WDR35: variants seen among roughly 807,000 people sequenced by gnomAD.
The protein encoded by WDR35 is WD repeat-containing protein 35.
WDR35 carries 118 observed loss-of-function variants against 158.3 expected under a neutral mutation model. That is an observed-to-expected ratio of 0.75 (90% CI 0.64 to 0.87). The LOEUF (loss-of-function observed/expected upper bound fraction) is 0.87, where lower values mean the gene tolerates loss of function less well. Among genes scored for constraint, WDR35 ranks in the 40% least tolerant of loss-of-function variants. The probability of loss-of-function intolerance (pLI) is 0.00; values close to 1 mark genes in which losing one functional copy is unlikely to be tolerated. For synonymous variants in WDR35, 448 were observed against 476.1 expected, an observed-to-expected ratio of 0.94 and a Z score of 0.77; for missense variants, 1,263 against 1,405.8, an observed-to-expected ratio of 0.90 and a Z score of 1.62.
intron 2 of WDR35, among the ~76,000 whole-genome samples, chr2:19,987,654 T>A (rs1004075375): frequency 6.6e-6 from 1 of 151,612 alleles, no homozygotes; most frequent in Non-Finnish European, 1.5e-5. Flanking sequence ...AAACCCTGTC[T>A]CTACTAAAAA....
intron 3 of WDR35, among the ~76,000 whole-genome samples, chr2:19,981,014 A>G (rs955312988): frequency 6.6e-6 from 1 of 152,232 alleles, no homozygotes; most frequent in Non-Finnish European, 1.5e-5. Context: ...CCCAGTAAAG[A>G]CACCAATCAT....
rs1389964505 is a variant in WDR35 at position 19,974,470 on chromosome 2, T to C, written c.734A>G (p.Gln245Arg). The C allele has an allele frequency of 6.3e-7, 1 of 1,597,206 alleles. No homozygotes were observed. The highest frequency in any genetic ancestry group is 1.7e-5 in the Admixed American group (1 of 57,804). The change falls in exon 7 of 27, where the codon CAA becomes CGA. Residue 245 changes from glutamine (Q) to arginine (R), a missense_variant and splice_region_variant. Physicochemically the swap from Gln to Arg is conservative, Grantham distance 43. Coordinates refer to ENST00000281405, the MANE Select transcript of WDR35 (RefSeq NM_020779.4). ...RCQIMRHEND[Q>R]NPVLIDTGMY... ...TTTTAAACAGAAAAATTCCTTACTTTGGTCATTCTCATGTCTCATTATTTG... is the reference window on the plus strand; with the variant it reads ...TTTTAAACAGAAAAATTCCTTACTTCGGTCATTCTCATGTCTCATTATTTG...
At chr2:19,955,565 G>A (rs926659417) in intron 11 of WDR35, among the ~76,000 whole-genome samples, 15 of 152,056 alleles carry the variant, frequency 9.9e-5, no homozygotes, top group African/African-American at 3.4e-4. Context: ...ACACTCATAC[G>A]AAATACATAA....
chr2:19,936,159 T>G, intron 20 of WDR35, 60 bp downstream of exon 20: 8 of 1,610,138 alleles, frequency 5.0e-6, no homozygotes, highest in Non-Finnish European at 5.9e-6. Flanking sequence ...CCTAGAGAAG[T>G]ACTCAGGCAG....
chr2:19,976,241 TAAATA>T (rs1273553011), intron 5 of WDR35, among the ~76,000 whole-genome samples: 20 of 152,196 alleles, frequency 1.3e-4, no homozygotes, highest in Non-Finnish European at 2.6e-4. Context: ...ACCATCACCC[TAAATA>T]AAATAAACAC....
chr2:19,962,296 G>A lies in WDR35; in HGVS notation c.1195-1682C>T, dbSNP rs143430766. 2.3e-4 allele frequency: 378 copies of A among 1,612,690 alleles called. No homozygotes were observed. Among genetic ancestry groups the A allele is most frequent in the Non-Finnish European group, 2.9e-4 (341 of 1,179,706 alleles). ...ATAAGAGCTAATTTCATTTGTTACCGTTGCACCAAATGTCTCCATCTCGTT... is the reference window on the plus strand; with the variant it reads ...ATAAGAGCTAATTTCATTTGTTACCATTGCACCAAATGTCTCCATCTCGTT... On this transcript the variant is annotated intron_variant, in intron 10 of 26. Coordinates refer to ENST00000281405, the MANE Select transcript of WDR35 (RefSeq NM_020779.4).
At chr2:19,967,898 T>C (rs1671908834) in intron 9 of WDR35, among the ~76,000 whole-genome samples, 1 of 152,162 alleles carries the variant, frequency 6.6e-6, no homozygotes, top group Non-Finnish European at 1.5e-5. Context: ...GTAAACATCA[T>C]ACTTTATTTA....
chr2:19,929,997 G>A (rs894771331), intron 25 of WDR35, among the ~76,000 whole-genome samples: 2 of 150,826 alleles, frequency 1.3e-5, no homozygotes, highest in South Asian at 2.1e-4. Context: ...TTATACTCCC[G>A]ATATTGTAAA....
intron 11 of WDR35, among the ~76,000 whole-genome samples, chr2:19,956,468 T>C (rs1289338020): frequency 6.6e-6 from 1 of 152,204 alleles, no homozygotes; most frequent in Non-Finnish European, 1.5e-5. Context: ...TTATTTGTTC[T>C]CTCAGTTTAC....
chr2:19,970,722 C>G (rs1391673346), intron 8 of WDR35, among the ~76,000 whole-genome samples: 1 of 152,186 alleles, frequency 6.6e-6, no homozygotes, highest in Non-Finnish European at 1.5e-5. Flanking sequence ...ACTACTCTGC[C>G]TCCACAGCTT....
rs1213124247 is a variant in WDR35, at chr2:19,948,175, T to C, written c.1513A>G (p.Ile505Val). 5.0e-6 allele frequency: 8 copies of C among 1,608,880 alleles called. No homozygotes were observed. The Admixed American group carries it at 1.2e-4, about 24-fold the overall frequency. Residue 505 changes from isoleucine (I) to valine (V), a missense_variant, in exon 14 of 27, where the codon ATA (isoleucine) becomes GTA (valine). Transcript: ENST00000281405. ...PICAITASDK[I>V]LIVGRESGTI... ...TTTGCAAAACTTACCACAATCAATA[T>C]CTTATCTGATGCAGTTATGGCACAA...
At chr2:19,987,549 C>T (rs921248290) in intron 2 of WDR35, among the ~76,000 whole-genome samples, 1 of 152,100 alleles carries the variant, frequency 6.6e-6, no homozygotes, top group African/African-American at 2.4e-5. Context: ...GCAGGCCAGG[C>T]ACGGTGGCTC....
intron 11 of WDR35, among the ~76,000 whole-genome samples, chr2:19,957,320 A>T (rs1671477754): frequency 6.6e-6 from 1 of 152,204 alleles, no homozygotes; most frequent in Non-Finnish European, 1.5e-5. Flanking sequence ...TTGAATCAGT[A>T]AGGTGGTAAT....
intron 5 of WDR35, among the ~76,000 whole-genome samples, chr2:19,977,192 G>T (rs372501002): frequency 9.9e-5 from 15 of 152,110 alleles, no homozygotes; most frequent in African/African-American, 3.6e-4. Flanking sequence ...TATTTCAATG[G>T]TTTAAATTAC....
chr2:19,948,188 A>G lies in WDR35; in HGVS notation c.1500T>C (p.Thr500=), dbSNP rs1356683521. 3 of 1,609,794 alleles carry G rather than the reference A, an allele frequency of 1.9e-6. No individual in the cohort carries two copies. Among genetic ancestry groups the G allele is most frequent in the Non-Finnish European group, 2.5e-6 (3 of 1,178,768 alleles). ...CCACAATCAATATCTTATCTGATGCAGTTATGGCACAAATTGGATCCCTTG... is the reference window on the plus strand; with the variant it reads ...CCACAATCAATATCTTATCTGATGCGGTTATGGCACAAATTGGATCCCTTG... ...QGTRDPICAI[T]ASDKILIVGR... is the part of the protein sequence containing the mutation. Residue 500 remains threonine (T), a synonymous_variant, in exon 14 of 27, where the codon ACT becomes ACC. Transcript: ENST00000281405.
chr2:19,973,392 TAAGATTATAAAATTCCATG>T (rs1672088067), intron 8 of WDR35, among the ~76,000 whole-genome samples, 152 bp downstream of exon 8: 1 of 152,118 alleles, frequency 6.6e-6, no homozygotes, highest in African/African-American at 2.4e-5. Flanking sequence ...TATAAAACTA[TAAGATTATAAAATTCCATG>T]ATAAAATACA....
Position 19,978,813 on chromosome 2 carries a change from GC to G in WDR35, c.373del (p.Ala125LeufsTer15). ...TACAATGCAGATCTTCTGTCCGTCA[GC>G]ATTCCAGCTCATACTGCGAACAACT... ...KSVVRSMSWN[A>X]DGQKICIVYE... On this transcript the variant is annotated frameshift_variant, in exon 5 of 27. Transcript: ENST00000281405. LOFTEE classifies it high-confidence loss of function. The G allele has an allele frequency of 6.2e-7, 1 of 1,613,836 alleles. No homozygotes were observed. The highest frequency in any genetic ancestry group is 8.5e-7 in the Non-Finnish European group (1 of 1,179,866).
chr2:19,946,156 G>T (rs1314697423), intron 15 of WDR35, among the ~76,000 whole-genome samples, 160 bp from the exon 16 acceptor site: 1 of 152,160 alleles, frequency 6.6e-6, no homozygotes, highest in Non-Finnish European at 1.5e-5. Flanking sequence ...TTTGATACAA[G>T]ATATGGACTA....
chr2:19,935,388 T>C (rs761925361), intron 21 of WDR35, 83 bp downstream of exon 21: 4 of 1,447,666 alleles, frequency 2.8e-6, no homozygotes, highest in Non-Finnish European at 3.8e-6. Flanking sequence ...ATTTTCTTTA[T>C]TGTGGGAGAT....
Sources: gnomAD v4.1 joint callset for allele counts (sites outside exome capture counted in the v4.1 genomes callset) on GRCh38, gnomAD v4.1.1 for gene constraint, MANE v1.5 for transcripts, NCBI Gene and HGNC (gene_info 2026-07-23, HGNC 2026-07-21) for gene names.